Variants in TRAF3IP2 observed in about 807,000 individuals in gnomAD.
TRAF3IP2 encodes the protein E3 ubiquitin ligase TRAF3IP2.
In TRAF3IP2, 35 loss-of-function variants were observed where a neutral mutation model predicts 57.9. The observed-to-expected ratio is 0.60, with a 90% confidence interval of 0.46 to 0.80. The LOEUF is 0.80. Among genes scored for constraint, TRAF3IP2 ranks in the 30% least tolerant of loss-of-function variants. TRAF3IP2 has a pLI of 0.00. For missense variants in TRAF3IP2, 556 were observed against 706.4 expected, an observed-to-expected ratio of 0.79 and a Z score of 2.41; for synonymous variants, 251 against 268.9, an observed-to-expected ratio of 0.93 and a Z score of 0.65.
chr6:111,574,510 T>G (rs1485744611), intron 4 of TRAF3IP2: 2 of 152,268 alleles, frequency 1.3e-5, no homozygotes, highest in African/African-American at 4.8e-5. Flanking sequence ...ATCATCACCT[T>G]ACGCTTAGTT....
chr6:111,583,657 T>C (rs376079571), intron 2 of TRAF3IP2, among the ~76,000 whole-genome samples: 2 of 152,228 alleles, frequency 1.3e-5, no homozygotes, highest in South Asian at 4.1e-4. Context: ...TTCTACATTA[T>C]AATGAGTTGT....
chr6:111,599,160 G>A (rs752241752), intron 1 of TRAF3IP2, among the ~76,000 whole-genome samples: 5 of 147,008 alleles, frequency 3.4e-5, no homozygotes, highest in Non-Finnish European at 5.9e-5. Context: ...CTTCTGCCTC[G>A]TCCTTCCAAA....
chr6:111,601,136 A>T, intron 1 of TRAF3IP2: 2 of 732,324 alleles, frequency 2.7e-6, no homozygotes, highest in Non-Finnish European at 5.2e-6. Context: ...AAGAAAGGGG[A>T]TGGGGAAGCC....
At chr6:111,562,165 C>A (rs1583212888) in intron 8 of TRAF3IP2, among the ~76,000 whole-genome samples, 1 of 152,362 alleles carries the variant, frequency 6.6e-6, no homozygotes, top group African/African-American at 2.4e-5. Context: ...TGCCCCCATT[C>A]TCCAAACTTG....
intron 8 of TRAF3IP2, among the ~76,000 whole-genome samples, chr6:111,561,181 C>CAA (rs35698898): frequency 8.6e-5 from 11 of 127,874 alleles, no homozygotes; most frequent in South Asian, 2.5e-4. Flanking sequence ...GACCCTGTCT[C>CAA]AAAAAAAAAA....
At chr6:111,566,705 C>G in intron 6 of TRAF3IP2, 145 bp from the exon 7 acceptor site, 1 of 772,002 alleles carries the variant, frequency 1.3e-6, no homozygotes, top group South Asian at 1.5e-5. Context: ...CTTATCTCTG[C>G]TTCTCCCTTC....
Position 111,591,935 on chromosome 6 carries a change from G to C in TRAF3IP2, c.152C>G (p.Thr51Arg). 1 of 1,614,258 alleles carries C rather than the reference G, an allele frequency of 6.2e-7. No homozygotes were observed. Among genetic ancestry groups the C allele is most frequent in the Non-Finnish European group, 8.5e-7 (1 of 1,180,048 alleles). Residue 51 changes from threonine to arginine, a missense_variant, in exon 2 of 9, where the codon ACA (threonine) becomes AGA (arginine). Physicochemically the swap from Thr to Arg is moderately conservative, Grantham distance 71. Around this residue, in one of 2 missense-constraint regions of TRAF3IP2, gnomAD observed 428 missense variants for 498.7 expected, o/e 0.86. Coordinates refer to ENST00000368761, the MANE Select transcript of TRAF3IP2 (RefSeq NM_147686.4). This position sits in a 1 kb window ranked among gnomAD's most constrained non-coding sequence, Gnocchi z 4.9. ...NMAPNSLSAP[T>R]MLHNSSGDFS... ...GTCTCCGGAGGAATTGTGAAGCATT[G>C]TGGGTGCAGACAAGCTGTTGGGTGC...
At chr6:111,598,462 C>G (rs1796764813) in intron 1 of TRAF3IP2, among the ~76,000 whole-genome samples, 1 of 152,240 alleles carries the variant, frequency 6.6e-6, no homozygotes, top group East Asian at 1.9e-4. Context: ...ATTTTTAAAA[C>G]TGTAGTATAT....
At chr6:111,559,627 A>C in intron 8 of TRAF3IP2, 76 bp from the exon 9 acceptor site, 1 of 1,540,716 alleles carries the variant, frequency 6.5e-7, no homozygotes, top group East Asian at 2.3e-5. Context: ...TCAGTTCCCA[A>C]ACATTTCTGG....
chr6:111,574,053 T>A (rs746574735), intron 4 of TRAF3IP2: 5 of 152,224 alleles, frequency 3.3e-5, no homozygotes, highest in Non-Finnish European at 7.3e-5. Flanking sequence ...CTTTATAGAT[T>A]ATGGTAAGAT....
intron 5 of TRAF3IP2, 153 bp downstream of exon 5, chr6:111,572,742 A>G (rs1795867311): frequency 3.0e-6 from 2 of 664,180 alleles, no homozygotes; most frequent in African/African-American, 1.8e-5. Context: ...CTAGAAAATT[A>G]TTACCTAAAT....
chr6:111,595,562 A>G (rs13207258), intron 1 of TRAF3IP2, among the ~76,000 whole-genome samples: 394 of 152,150 alleles, frequency 2.6e-3, no homozygotes, highest in Middle Eastern at 6.8e-3. Context: ...GGGCGCCGTG[A>G]CTCACGCCTG....
At chr6:111,597,404 G>A (rs1005026186) in intron 1 of TRAF3IP2, among the ~76,000 whole-genome samples, 16 of 152,218 alleles carry the variant, frequency 1.1e-4, no homozygotes, top group Admixed American at 7.9e-4. Context: ...GGTGGGGCAC[G>A]CCTGCCACTA....
chr6:111,603,107 C>T (rs1029013008), intron 1 of TRAF3IP2, among the ~76,000 whole-genome samples: 2 of 151,174 alleles, frequency 1.3e-5, no homozygotes, highest in African/African-American at 4.9e-5. Context: ...CACACACACA[C>T]ACACAAGGCG....
chr6:111,564,025 C>T (rs1408495520), intron 7 of TRAF3IP2, among the ~76,000 whole-genome samples: 4 of 152,226 alleles, frequency 2.6e-5, no homozygotes, highest in South Asian at 4.1e-4. Context: ...TTTCATCTTC[C>T]AATTCATTTT....
intron 2 of TRAF3IP2, among the ~76,000 whole-genome samples, chr6:111,587,990 C>T (rs1186251209): frequency 6.6e-6 from 1 of 152,154 alleles, no homozygotes; most frequent in East Asian, 1.9e-4. Context: ...AGAGGAAGCA[C>T]ATATAAAACT....
Position 111,558,269 on chromosome 6 carries a change from A to AAATT in TRAF3IP2, c.*1132_*1135dup, listed in dbSNP as rs1795311201. 1 of 152,224 alleles carries AAATT rather than the reference A, an allele frequency of 6.6e-6. No homozygotes were observed. Among genetic ancestry groups the AAATT allele is most frequent in the South Asian group, 2.1e-4 (1 of 4,834 alleles). 9.4% of individuals were successfully genotyped at this position (152,224 alleles called of 1,614,324 possible). Reference sequence around the variant, plus strand: ...ATACAGCTAATTGGTGGTAGAACCAAAATTAGAACACAGACTACAATTCTA... The same window carrying AAATT: ...ATACAGCTAATTGGTGGTAGAACCAAAATTAATTAGAACACAGACTACAATTCTA... On this transcript the variant is annotated 3_prime_UTR_variant, in exon 9 of 9. Transcript: ENST00000368761.
chr6:111,559,703 GT>G, intron 8 of TRAF3IP2, 152 bp from the exon 9 acceptor site: 2 of 891,668 alleles, frequency 2.2e-6, no homozygotes, highest in Non-Finnish European at 3.3e-6. Flanking sequence ...TTTTGGAAAG[GT>G]TTAGCATGTG....
intron 7 of TRAF3IP2, 65 bp downstream of exon 7, chr6:111,566,379 A>G: frequency 7.8e-7 from 1 of 1,275,950 alleles, no homozygotes; most frequent in Non-Finnish European, 1.1e-6. Context: ...GAAGAATGGG[A>G]CTTCCCTGGA....
Sources: gnomAD v4.1 joint callset for allele counts (sites outside exome capture counted in the v4.1 genomes callset) on GRCh38, gnomAD v4.1.1 for gene constraint, gnomAD v4.1.1 regional missense constraint, Gnocchi (gnomAD v3.1) non-coding constraint, MANE v1.5 for transcripts, NCBI Gene and HGNC (gene_info 2026-07-23, HGNC 2026-07-21) for gene names.